Variants in MED14 observed in about 807,000 individuals in gnomAD.
The protein encoded by MED14 is mediator of RNA polymerase II transcription subunit 14.
MED14 carries 8 observed loss-of-function variants against 109.0 expected under a neutral mutation model. The ratio of observed to expected loss-of-function variants is 0.07; its 90% CI spans 0.04 to 0.13. The LOEUF (loss-of-function observed/expected upper bound fraction) is 0.13, where lower values mean the gene tolerates loss of function less well. MED14 is among the 10% of genes least tolerant of loss of function. The pLI is 1.00. For synonymous variants in MED14, 399 were observed against 408.7 expected, an observed-to-expected ratio of 0.98 and a Z score of 0.29; for missense variants, 711 against 1,142.4, an observed-to-expected ratio of 0.62 and a Z score of 5.44.
intron 11 of MED14, among the ~76,000 whole-genome samples, chrX:40,703,226 G>A (rs1414636541): frequency 8.9e-6 from 1 of 112,220 alleles, no homozygotes; most frequent in Non-Finnish European, 1.9e-5. Flanking sequence ...AAACACGAAT[G>A]TGCGTTATAC....
At chrX:40,719,580 T>C (rs773027266) in intron 3 of MED14, among the ~76,000 whole-genome samples, 1 of 112,028 alleles carries the variant, frequency 8.9e-6, no homozygotes, top group South Asian at 3.7e-4. Context: ...ATTCCATTTA[T>C]ATGAAATGTT....
chrX:40,650,665 C>G lies in MED14; in HGVS notation c.*1141G>C. Reference sequence around the variant, plus strand: ...ATTAATACCAAAAACTCCATTTGACCCTGGACAGGCCCAGGATTCGGGATT... The same window carrying G: ...ATTAATACCAAAAACTCCATTTGACGCTGGACAGGCCCAGGATTCGGGATT... On this transcript the variant is annotated 3_prime_UTR_variant, in exon 31 of 31. Transcript: ENST00000324817. 4.0e-6 allele frequency: 3 copies of G among 753,982 alleles called. No homozygotes were observed. The highest frequency in any genetic ancestry group is 4.7e-6 in the Non-Finnish European group (3 of 639,298). The allele number at this position is 753,982 out of a possible 1,213,427, so 62.1% of individuals were successfully genotyped here. A position where few individuals can be genotyped will look rare whatever the true frequency, so the allele number is the denominator to read the frequency against.
intron 29 of MED14, 105 bp downstream of exon 29, chrX:40,654,830 T>C: frequency 3.0e-6 from 3 of 1,012,801 alleles, no homozygotes; most frequent in Non-Finnish European, 4.1e-6. Context: ...TGGCCTCTAT[T>C]TGGCAACAAG....
At chrX:40,683,127 A>C in intron 16 of MED14, 131 bp from the exon 17 acceptor site, 1 of 457,220 alleles carries the variant, frequency 2.2e-6, no homozygotes, top group Non-Finnish European at 3.6e-6. Context: ...AAAAGGAGGA[A>C]GCAATTCACA....
At chrX:40,710,447 G>A (rs1931298304) in intron 8 of MED14, among the ~76,000 whole-genome samples, 1 of 111,660 alleles carries the variant, frequency 9.0e-6, no homozygotes, top group African/African-American at 3.3e-5. Context: ...GGGTCATTTG[G>A]GATAATAAGA....
chrX:40,659,587 A>G lies in MED14; in HGVS notation c.3705T>C (p.Asn1235=). Residue 1235 remains asparagine (N), a synonymous_variant, in exon 27 of 31, where the codon AAT becomes AAC. Transcript: ENST00000324817. ...QQETLQLINS[N]EPGVIMFKTD... is the part of the protein sequence containing the mutation. ...TCTTAAACATGATCACTCCGGGTTC[A>G]TTAGAATTTATCAGCTGCAGCTACA... 1 of 1,197,421 alleles carries G rather than the reference A, an allele frequency of 8.4e-7. No individual in the cohort carries two copies. Among genetic ancestry groups the G allele is most frequent in the East Asian group, 3.0e-5 (1 of 33,673 alleles).
At chrX:40,735,124 G>A (rs2146759274) in intron 1 of MED14, 74 bp downstream of exon 1, 3 of 768,150 alleles carry the variant, frequency 3.9e-6, no homozygotes, top group Middle Eastern at 3.1e-4. Flanking sequence ...CTCGGGGAGA[G>A]GGAGGTGCAA....
intron 3 of MED14, among the ~76,000 whole-genome samples, chrX:40,723,493 C>T (rs2146733856): frequency 9.2e-6 from 1 of 108,605 alleles, no homozygotes; most frequent in South Asian, 4.0e-4. Context: ...CGGCGAAACC[C>T]CATCTCTACT....
intron 7 of MED14, among the ~76,000 whole-genome samples, chrX:40,711,871 T>C (rs1249915398): frequency 9.1e-6 from 1 of 109,319 alleles, no homozygotes; most frequent in Non-Finnish European, 1.9e-5. Flanking sequence ...CCTCAAGTGA[T>C]ACACCCGCCT....
intron 28 of MED14, among the ~76,000 whole-genome samples, chrX:40,656,496 C>A (rs1021590039): frequency 1.8e-5 from 2 of 112,131 alleles, no homozygotes; most frequent in Non-Finnish European, 3.8e-5. Context: ...TATAAACTGG[C>A]ATAACCTCTA....
intron 3 of MED14, among the ~76,000 whole-genome samples, chrX:40,724,270 C>T (rs895787720): frequency 3.6e-5 from 4 of 112,425 alleles, no homozygotes; most frequent in African/African-American, 9.7e-5. Flanking sequence ...CAGCATTGGA[C>T]GGATCTCCCA....
In MED14 at chrX:40,713,828, T is replaced by A. The variant is rs1931419691; in HGVS notation, c.602A>T (p.His201Leu). Residue 201 changes from histidine (H) to leucine (L), a missense_variant, in exon 5 of 31, where the codon CAT becomes CTT. His to Leu is a moderately conservative substitution (Grantham distance 99). Coordinates refer to ENST00000324817, the MANE Select transcript of MED14 (RefSeq NM_004229.4). Reference sequence around the variant, plus strand: ...AGGAAGATCTGTGGTTACAAGCCGATGTCTAAGAATCTGATTCAGCTGATG... The same window carrying A: ...AGGAAGATCTGTGGTTACAAGCCGAAGTCTAAGAATCTGATTCAGCTGATG... ...TLHQLNQILR[H>L]RLVTTDLPPQ... 1 of 1,209,036 alleles carries A rather than the reference T, an allele frequency of 8.3e-7. No homozygotes were observed. The highest frequency in any genetic ancestry group is 1.7e-5 in the African/African-American group (1 of 57,333).
chrX:40,713,985 AG>A (rs369843701), intron 4 of MED14, 78 bp from the exon 5 acceptor site: 23 of 1,011,830 alleles, frequency 2.3e-5, no homozygotes, highest in African/African-American at 1.2e-4. Flanking sequence ...GTCTTTATAC[AG>A]TGTTGCGTAC....
At chrX:40,707,854 T>C (rs184830281) in intron 10 of MED14, among the ~76,000 whole-genome samples, 5 of 111,920 alleles carry the variant, frequency 4.5e-5, no homozygotes, top group East Asian at 5.6e-4. Context: ...GTGGTGATAG[T>C]TGCACAACTC....
At chrX:40,728,316 G>A (rs1203622426) in intron 2 of MED14, among the ~76,000 whole-genome samples, 1 of 111,371 alleles carries the variant, frequency 9.0e-6, no homozygotes, top group Non-Finnish European at 1.9e-5. Context: ...GTTTTTCAAA[G>A]GCCCAGTTTC....
rs769081354 is a variant in MED14 at position 40,680,093 on chromosome X, T to C, written c.2651A>G (p.Lys884Arg). 1.7e-6 allele frequency: 2 copies of C among 1,211,517 alleles called. No individual in the cohort carries two copies. Among genetic ancestry groups the C allele is most frequent in the Non-Finnish European group, 2.2e-6 (2 of 895,264 alleles). The change falls in exon 21 of 31, where the codon AAA becomes AGA. Residue 884 changes from lysine (K) to arginine (R), a missense_variant. By Grantham distance (26) the Lys-to-Arg change is conservative (BLOSUM62 2). Transcript: ENST00000324817. ...GCCCAACATCGGCACAGTGGGGAGT[T>C]TGTTGATGGCATTTAATGGAGCCTG... The part of the protein sequence containing the change: ...DTQAPLNAIN[K>R]LPTVPMLGLT...
intron 2 of MED14, 21 bp downstream of exon 2, chrX:40,729,298 G>GT (rs750749445): frequency 4.7e-3 from 4,616 of 989,632 alleles, no homozygotes; most frequent in African/African-American, 8.1e-3. Context: ...GACTTTAAGG[G>GT]TTTTTTTTTT....
chrX:40,721,470 G>A (rs1027173969), intron 3 of MED14, among the ~76,000 whole-genome samples: 6 of 112,729 alleles, frequency 5.3e-5, no homozygotes, highest in Non-Finnish European at 1.1e-4. Context: ...CAGCTTAGCC[G>A]CAGTAAGAAA....
Position 40,668,961 on chromosome X carries a change from A to G in MED14, c.3134-2110T>C, listed in dbSNP as rs145613068. 3.8e-3 allele frequency among the ~76,000 whole-genome samples: 424 copies of G among 111,970 alleles called. 8 individuals are homozygous for G. The South Asian group carries it at 0.069, about 18-fold the overall frequency. On this transcript the variant is annotated intron_variant, in intron 23 of 30. Transcript: ENST00000324817. The stretch of plus-strand genomic sequence containing the variant: ...GGACTGTACTATGTGAGATAATTTC[A>G]TATTTTTGTGTTCTGTAATACCTAA...
Sources: gnomAD v4.1 joint callset for allele counts (sites outside exome capture counted in the v4.1 genomes callset) on GRCh38, gnomAD v4.1.1 for gene constraint, MANE v1.5 for transcripts, NCBI Gene and HGNC (gene_info 2026-07-23, HGNC 2026-07-21) for gene names.